The following MAK16 variants were observed in gnomAD, a reference collection of about 807,000 sequenced individuals.
The protein encoded by MAK16 is protein MAK16 homolog.
MAK16 carries 12 observed loss-of-function variants against 49.9 expected under a neutral mutation model. The observed-to-expected ratio is 0.24, with a 90% CI of 0.15 to 0.39. MAK16 has a LOEUF of 0.39. MAK16 is among the 10% of genes least tolerant of loss of function. The pLI is 1.00. For missense variants in MAK16, 292 were observed against 363.7 expected (o/e 0.80, Z 1.60); for synonymous variants, 115 against 126.4 (o/e 0.91, Z 0.60).
intron 7 of MAK16, 22 bp from the exon 8 acceptor site, chr8:33,496,603 A>C: frequency 6.3e-7 from 1 of 1,580,050 alleles, no homozygotes; most frequent in Non-Finnish European, 8.7e-7. Context: ...AGTTAAAGCC[A>C]ATCTGTGTTT....
intron 8 of MAK16, 43 bp from the exon 9 acceptor site, chr8:33,497,189 T>C (rs754898954): frequency 7.1e-7 from 1 of 1,412,758 alleles, no homozygotes. Context: ...AATCTGAATC[T>C]TCATTATGTA....
chr8:33,498,587 CGAGCAG>C lies in MAK16; in HGVS notation c.865_870del (p.Gln289_Glu290del). 1.2e-6 allele frequency: 2 copies of C among 1,613,786 alleles called. No homozygotes were observed. The highest frequency in any genetic ancestry group is 1.7e-6 in the Non-Finnish European group (2 of 1,180,008). On this transcript the variant is annotated inframe_deletion, in exon 10 of 10. Transcript: ENST00000360128. Reference sequence around the variant, plus strand: ...AACGAGCCTATGTGGAAATAGAATACGAGCAGGAGACAGAGCCCGTGGCCAAAGCCA... The same window carrying C: ...AACGAGCCTATGTGGAAATAGAATACGAGACAGAGCCCGTGGCCAAAGCCA...
chr8:33,498,271 CAA>C (rs35740010), intron 9 of MAK16, among the ~76,000 whole-genome samples, 159 bp from the exon 10 acceptor site: 7 of 85,774 alleles, frequency 8.2e-5, no homozygotes, highest in Admixed American at 3.1e-4. Context: ...GACCCCGTCT[CAA>C]AAAAAAAAAA....
At chr8:33,490,229 T>G (rs777603599) in intron 5 of MAK16, 56 bp from the exon 6 acceptor site, 101 of 1,440,544 alleles carry the variant, frequency 7.0e-5, no homozygotes, top group Non-Finnish European at 9.3e-5. Flanking sequence ...TTCTCATCCT[T>G]AAAAAGGAAC....
chr8:33,494,791 T>C (rs1208528014), intron 6 of MAK16, among the ~76,000 whole-genome samples: 1 of 152,186 alleles, frequency 6.6e-6, no homozygotes, highest in African/African-American at 2.4e-5. Flanking sequence ...AGCCCTTTTT[T>C]TTTTTAAGAT....
intron 8 of MAK16, 83 bp downstream of exon 8, chr8:33,496,824 A>C: frequency 9.7e-7 from 1 of 1,028,648 alleles, no homozygotes; most frequent in Non-Finnish European, 1.4e-6. Context: ...TCAGTCCGCT[A>C]ACCAAAAATG....
At chr8:33,487,786 A>G (rs562176766) in intron 1 of MAK16, among the ~76,000 whole-genome samples, 1 of 152,288 alleles carries the variant, frequency 6.6e-6, no homozygotes, top group East Asian at 1.9e-4. Context: ...AGTATATAAA[A>G]TGTGATTTCA....
intron 6 of MAK16, among the ~76,000 whole-genome samples, chr8:33,491,651 T>TTG (rs1808781086): frequency 6.9e-6 from 1 of 145,236 alleles, no homozygotes; most frequent in Non-Finnish European, 1.5e-5. Context: ...TTTTTTTTTT[T>TTG]GAGACAAGGT....
At chr8:33,496,785 G>A (rs1808866983) in intron 8 of MAK16, 44 bp downstream of exon 8, 3 of 1,354,940 alleles carry the variant, frequency 2.2e-6, no homozygotes, top group Non-Finnish European at 3.1e-6. Context: ...GATACCATTT[G>A]TATAAAACTG....
At chr8:33,495,763 T>A (rs1295124229) in intron 7 of MAK16, 147 bp downstream of exon 7, 2 of 616,788 alleles carry the variant, frequency 3.2e-6, no homozygotes, top group Middle Eastern at 4.2e-4. Flanking sequence ...GTTGCCCAGG[T>A]TAGAGTGCAG....
Position 33,500,338 on chromosome 8 carries a change from C to T in MAK16, c.*1709C>T. On this transcript the variant is annotated 3_prime_UTR_variant, in exon 10 of 10. Coordinates refer to ENST00000360128, the MANE Select transcript of MAK16 (RefSeq NM_032509.4). The stretch of plus-strand genomic sequence containing the variant: ...TTCAGTCTGCCTTACCTTTACCCGT[C>T]CTTGAGAACAGCGGTCCAGGAGAAT... The T allele has an allele frequency of 6.2e-7, 1 of 1,614,116 alleles. No individual in the cohort carries two copies. Among genetic ancestry groups the T allele is most frequent in the Non-Finnish European group, 8.5e-7 (1 of 1,180,010 alleles).
chr8:33,498,409 T>C (rs1209071645), intron 9 of MAK16, 23 bp from the exon 10 acceptor site: 1 of 1,610,180 alleles, frequency 6.2e-7, no homozygotes, highest in African/African-American at 1.3e-5. Flanking sequence ...CCTCTTCCTT[T>C]ATCTTTTCTC....
intron 2 of MAK16, 45 bp from the exon 3 acceptor site, chr8:33,488,475 T>G (rs1241931384): frequency 6.2e-7 from 1 of 1,612,820 alleles, no homozygotes; most frequent in Admixed American, 1.7e-5. Context: ...AGTTGCCTCT[T>G]TGGCAACCCA....
intron 6 of MAK16, among the ~76,000 whole-genome samples, chr8:33,494,839 C>T (rs938483408): frequency 6.6e-6 from 1 of 151,740 alleles, no homozygotes; most frequent in East Asian, 1.9e-4. Flanking sequence ...AGTGCAGTGG[C>T]GTGATCTCGG....
intron 6 of MAK16, among the ~76,000 whole-genome samples, chr8:33,492,995 T>A (rs1257859799): frequency 2.0e-5 from 3 of 152,204 alleles, no homozygotes; most frequent in East Asian, 1.9e-4. Context: ...TTTCTTTTTT[T>A]TATATTTATA....
In MAK16 at chr8:33,498,858, G is replaced by C; in HGVS notation, c.*229G>C. Reference sequence around the variant, plus strand: ...TTATAGCATATGTGTTGAAGTAACAGCTTGTGCCCGAGAAACTTAACAGAT... The same window carrying C: ...TTATAGCATATGTGTTGAAGTAACACCTTGTGCCCGAGAAACTTAACAGAT... On this transcript the variant is annotated 3_prime_UTR_variant, in exon 10 of 10. Transcript: ENST00000360128. 1 of 588,748 alleles carries C rather than the reference G, an allele frequency of 1.7e-6. No individual in the cohort carries two copies. The highest frequency in any genetic ancestry group is 1.9e-5 in the African/African-American group (1 of 53,766). 36.5% of individuals were successfully genotyped at this position (588,748 alleles called of 1,614,324 possible). A position where few individuals can be genotyped will look rare whatever the true frequency, so the allele number is the denominator to read the frequency against.
intron 1 of MAK16, among the ~76,000 whole-genome samples, chr8:33,486,686 TGAA>T (rs1293271368): frequency 6.6e-5 from 10 of 152,174 alleles, no homozygotes; most frequent in Non-Finnish European, 1.3e-4. Context: ...ATGGATTAAG[TGAA>T]GAAGAAAAGG....
At position 33,499,206 on chromosome 8, in the gene MAK16, C is replaced by CT; in HGVS notation, c.*578dup. Reference sequence around the variant, plus strand: ...CATTGTAGGGTGCGCCTTCAGAAACCTGCTGCACTTTTCTGATATAGTTCA... The same window carrying CT: ...CATTGTAGGGTGCGCCTTCAGAAACCTTGCTGCACTTTTCTGATATAGTTCA... On this transcript the variant is annotated 3_prime_UTR_variant, in exon 10 of 10. Transcript: ENST00000360128. 1.9e-6 allele frequency: 3 copies of CT among 1,614,092 alleles called. No homozygotes were observed. The highest frequency in any genetic ancestry group is 2.5e-6 in the Non-Finnish European group (3 of 1,180,002).
Position 33,500,300 on chromosome 8 carries a change from A to C in MAK16, c.*1671A>C. On this transcript the variant is annotated 3_prime_UTR_variant, in exon 10 of 10. Transcript: ENST00000360128. ...AATTACATAAGGATAATGAGGCCCA[A>C]CTGAAACCAAGTTTCAGTCTGCCTT... 5 of 1,613,712 alleles carry C rather than the reference A, an allele frequency of 3.1e-6. No homozygotes were observed. Among genetic ancestry groups the C allele is most frequent in the Non-Finnish European group, 4.2e-6 (5 of 1,179,804 alleles).
Sources: gnomAD v4.1 joint callset for allele counts (sites outside exome capture counted in the v4.1 genomes callset) on GRCh38, gnomAD v4.1.1 for gene constraint, MANE v1.5 for transcripts, NCBI Gene and HGNC (gene_info 2026-07-23, HGNC 2026-07-21) for gene names.